Variants in SMAP2 observed in about 807,000 individuals in gnomAD.
SMAP2 encodes stromal membrane-associated protein 2.
In SMAP2, 25 loss-of-function variants were observed where a neutral mutation model predicts 56.4. The observed-to-expected ratio is 0.44, with a 90% CI of 0.32 to 0.62. The LOEUF (loss-of-function observed/expected upper bound fraction) is 0.62, where lower values mean the gene tolerates loss of function less well. Ranked by LOEUF, SMAP2 falls within the 20% of genes least tolerant of loss-of-function variation. The pLI is 0.04. For synonymous variants in SMAP2, 157 were observed against 181.7 expected (o/e 0.86, Z 1.09); for missense variants, 388 against 545.6 (o/e 0.71, Z 2.88).
chr1:40,398,104 C>T (rs183683546), intron 1 of SMAP2, among the ~76,000 whole-genome samples: 68 of 152,216 alleles, frequency 4.5e-4, no homozygotes, highest in Middle Eastern at 3.4e-3. Flanking sequence ...ATAGAAAGCT[C>T]ATTGCAAACA....
At chr1:40,387,608 A>G (rs1419531730) in intron 1 of SMAP2, among the ~76,000 whole-genome samples, 1 of 142,860 alleles carries the variant, frequency 7.0e-6, no homozygotes, top group Non-Finnish European at 1.5e-5. Context: ...CCTAAGGAAC[A>G]TAAGGGACAT....
chr1:40,380,863 C>T (rs564320555), intron 1 of SMAP2, among the ~76,000 whole-genome samples: 161 of 152,186 alleles, frequency 1.1e-3, no homozygotes, highest in African/African-American at 3.5e-3. Context: ...AATTCAATGG[C>T]GTGAAACAAC....
intron 3 of SMAP2, among the ~76,000 whole-genome samples, chr1:40,409,135 G>T (rs1644911972): frequency 6.6e-6 from 1 of 152,188 alleles, no homozygotes; most frequent in Non-Finnish European, 1.5e-5. Context: ...TTGGGTGAAA[G>T]AATTAACTGT....
chr1:40,356,987 T>G (rs1292397277), intron 1 of SMAP2, among the ~76,000 whole-genome samples: 1 of 151,796 alleles, frequency 6.6e-6, no homozygotes, highest in Non-Finnish European at 1.5e-5. Context: ...CTGTTCAGAT[T>G]TTTTGCCCAT....
At chr1:40,391,286 A>T (rs183868937) in intron 1 of SMAP2, among the ~76,000 whole-genome samples, 2 of 152,338 alleles carry the variant, frequency 1.3e-5, no homozygotes, top group Admixed American at 1.3e-4. Flanking sequence ...TTAATCAGTA[A>T]GCATGCATTA....
intron 1 of SMAP2, among the ~76,000 whole-genome samples, chr1:40,348,514 G>A (rs1447217905): frequency 1.3e-5 from 2 of 152,022 alleles, no homozygotes; most frequent in African/African-American, 4.8e-5. Context: ...GGCCAACACG[G>A]TGAAGCCCTG....
chr1:40,352,464 G>A (rs938517356), intron 1 of SMAP2, among the ~76,000 whole-genome samples: 2 of 152,052 alleles, frequency 1.3e-5, no homozygotes, highest in Non-Finnish European at 2.9e-5. Flanking sequence ...GGCAGAGTTC[G>A]TCACTTCTTT....
intron 1 of SMAP2, among the ~76,000 whole-genome samples, chr1:40,394,481 C>A (rs909999672): frequency 5.3e-5 from 8 of 152,138 alleles, no homozygotes; most frequent in African/African-American, 1.9e-4. Context: ...ACGGAAGCAA[C>A]TGGGGGCTTC....
At chr1:40,346,845 T>A (rs990446622) in intron 1 of SMAP2, among the ~76,000 whole-genome samples, 7 of 151,992 alleles carry the variant, frequency 4.6e-5, no homozygotes, top group African/African-American at 1.7e-4. Flanking sequence ...TTTTTTAAAA[T>A]CTTGTTTCAT....
At chr1:40,375,028 A>G in intron 1 of SMAP2, 7 of 985,392 alleles carry the variant, frequency 7.1e-6, no homozygotes, top group Non-Finnish European at 8.4e-6. Context: ...GTGAAATATG[A>G]TCATTGTAAA....
intron 1 of SMAP2, among the ~76,000 whole-genome samples, chr1:40,402,869 C>T (rs1421334642): frequency 6.6e-6 from 1 of 151,996 alleles, no homozygotes; most frequent in Non-Finnish European, 1.5e-5. Flanking sequence ...TGCAAGTTTA[C>T]CAGATTAAAG....
chr1:40,383,371 A>G (rs1283081484), intron 1 of SMAP2, among the ~76,000 whole-genome samples: 1 of 152,102 alleles, frequency 6.6e-6, no homozygotes, highest in African/African-American at 2.4e-5. Context: ...CTTATCCTGA[A>G]ATCAGTTGGC....
chr1:40,408,577 A>C lies in SMAP2; in HGVS notation c.238-76A>C. 1 of 1,222,422 alleles carries C rather than the reference A, an allele frequency of 8.2e-7. No individual in the cohort carries two copies. The highest frequency in any genetic ancestry group is 2.3e-5 in the East Asian group (1 of 42,826). The allele number at this position is 1,222,422 out of a possible 1,614,324, so 75.7% of individuals were successfully genotyped here. On this transcript the variant is annotated intron_variant, in intron 2 of 9. Transcript: ENST00000372718. This position sits in a 1 kb window ranked among gnomAD's most constrained non-coding sequence, Gnocchi z 4.3. ...TAGGTTGGTTCTTCAATTGTACAGT[A>C]GTGGAATTGGGTGAGAAGTTTTTCA...
intron 1 of SMAP2, among the ~76,000 whole-genome samples, chr1:40,392,987 A>G (rs1157095004): frequency 2.6e-5 from 4 of 151,804 alleles, no homozygotes; most frequent in African/African-American, 9.7e-5. Context: ...CTGTAGTCCC[A>G]GGTATTCGGG....
upstream of SMAP2, among the ~76,000 whole-genome samples, chr1:40,370,718 AGGGGG>A (rs1644492711): frequency 1.0e-5 from 1 of 96,564 alleles, no homozygotes. Flanking sequence ...GGGTAGGGGG[AGGGGG>A]GAGGGATAGC....
Position 40,374,836 on chromosome 1 carries a change from A to G in SMAP2, c.103+613A>G. The G allele has an allele frequency of 1.3e-6, 2 of 1,540,364 alleles. No homozygotes were observed. The highest frequency in any genetic ancestry group is 1.8e-6 in the Non-Finnish European group (2 of 1,141,098). ...TGTGCAGTGGGAAACTGCCTTATGC[A>G]GTGACACAGTGCGGATTTCTAGGCA... On this transcript the variant is annotated intron_variant, in intron 1 of 9. Transcript: ENST00000372718. The surrounding 1 kb of genome is among the most constrained non-coding windows in gnomAD (Gnocchi z 5.9).
Position 40,422,245 on chromosome 1 carries a change from T to C in SMAP2, c.*144T>C. ...ATAAGTCATTTGGGGTTTGGCATCC[T>C]GCCCAGCCACTTCCCAAACATGAAG... On this transcript the variant is annotated 3_prime_UTR_variant, in exon 10 of 10. Coordinates refer to ENST00000372718, the MANE Select transcript of SMAP2 (RefSeq NM_022733.3). The C allele has an allele frequency of 2.6e-6, 3 of 1,144,404 alleles. No homozygotes were observed. Among genetic ancestry groups the C allele is most frequent in the Admixed American group, 2.3e-5 (1 of 43,294 alleles). The allele number at this position is 1,144,404 out of a possible 1,614,324, so 70.9% of individuals were successfully genotyped here.
intron 1 of SMAP2, among the ~76,000 whole-genome samples, chr1:40,406,378 A>T (rs1644886426): frequency 6.6e-6 from 1 of 152,244 alleles, no homozygotes; most frequent in Admixed American, 6.5e-5. Context: ...TTGGCAATCC[A>T]TAGAGATAAA....
upstream of SMAP2, among the ~76,000 whole-genome samples, chr1:40,372,931 C>A (rs761476167): frequency 6.6e-6 from 1 of 152,168 alleles, no homozygotes; most frequent in Non-Finnish European, 1.5e-5. Context: ...GCAGGTGGAT[C>A]CCTAAGGAAA....
Sources: allele counts gnomAD v4.1 joint callset (sites outside exome capture counted in the v4.1 genomes callset), GRCh38; gene constraint gnomAD v4.1.1; non-coding constraint Gnocchi (gnomAD v3.1); transcripts MANE v1.5; gene names NCBI Gene and HGNC (gene_info 2026-07-23, HGNC 2026-07-21).